The following PCDH15 variants were observed in gnomAD, a reference collection of about 807,000 sequenced individuals.
PCDH15 encodes protocadherin related 15.
Under a neutral mutation model 178.5 loss-of-function variants are expected in PCDH15, and 129 were observed. The observed-to-expected ratio is 0.72, with a 90% CI of 0.63 to 0.84. The LOEUF (loss-of-function observed/expected upper bound fraction) is 0.84, where lower values mean the gene tolerates loss of function less well. Among genes scored for constraint, PCDH15 ranks in the 40% least tolerant of loss-of-function variants. The pLI, the probability that PCDH15 is intolerant of heterozygous loss-of-function variation, is 0.00. For synonymous variants in PCDH15, 800 were observed against 732.0 expected (o/e 1.09, Z -1.50); for missense variants, 2,230 against 2,099.9 (o/e 1.06, Z -1.21).
At chr10:53,986,165 C>CAA (rs540855232) in intron 21 of PCDH15, among the ~76,000 whole-genome samples, 1 of 148,660 alleles carries the variant, frequency 6.7e-6, no homozygotes, top group Non-Finnish European at 1.5e-5. Flanking sequence ...ATAACTTTTT[C>CAA]AAAAAAAAAC....
At chr10:54,668,565 A>G (rs112061280) in intron 1 of PCDH15, among the ~76,000 whole-genome samples, 5 of 152,314 alleles carry the variant, frequency 3.3e-5, no homozygotes, top group African/African-American at 9.6e-5. Context: ...TTCACTTTCA[A>G]ATATAAATCC....
At chr10:53,897,934 T>C (rs2082063354) in intron 26 of PCDH15, among the ~76,000 whole-genome samples, 1 of 151,028 alleles carries the variant, frequency 6.6e-6, no homozygotes, top group Non-Finnish European at 1.5e-5. Flanking sequence ...CATCTATAGA[T>C]GAACATATGT....
At chr10:54,083,828 T>C (rs1177026802) in intron 16 of PCDH15, among the ~76,000 whole-genome samples, 1 of 152,180 alleles carries the variant, frequency 6.6e-6, no homozygotes, top group Non-Finnish European at 1.5e-5. Context: ...GTATTTTCCA[T>C]CACCAAGCTT....
At chr10:54,827,532 G>A (rs1232941627) in intron 3 of PCDH15, among the ~76,000 whole-genome samples, 1 of 152,044 alleles carries the variant, frequency 6.6e-6, no homozygotes, top group Non-Finnish European at 1.5e-5. Context: ...AAGTCTGCAA[G>A]ATAGACAGTG....
At chr10:55,103,881 T>C (rs963468928) in intron 2 of PCDH15, among the ~76,000 whole-genome samples, 1 of 152,162 alleles carries the variant, frequency 6.6e-6, no homozygotes, top group Admixed American at 6.6e-5. Context: ...AGTTGCTTAC[T>C]GACAAGGTAC....
intron 2 of PCDH15, among the ~76,000 whole-genome samples, chr10:55,054,639 C>T (rs1320753717): frequency 1.3e-5 from 2 of 151,242 alleles, no homozygotes; most frequent in Non-Finnish European, 2.9e-5. Context: ...ATTTACACTC[C>T]CACCAACAGT....
At chr10:54,812,520 G>A (rs1952879968) in intron 3 of PCDH15, among the ~76,000 whole-genome samples, 1 of 151,764 alleles carries the variant, frequency 6.6e-6, no homozygotes. Context: ...GTGCAGTGGC[G>A]CGATCTCAGC....
chr10:55,293,069 T>C (rs571827214), intron 1 of PCDH15, among the ~76,000 whole-genome samples: 32 of 152,288 alleles, frequency 2.1e-4, no homozygotes, highest in Non-Finnish European at 4.0e-4. Flanking sequence ...ATCCAGGCAT[T>C]TCCATACATC....
At chr10:53,921,122 G>T (rs1323598895) in intron 25 of PCDH15, among the ~76,000 whole-genome samples, 1 of 152,128 alleles carries the variant, frequency 6.6e-6, no homozygotes, top group Non-Finnish European at 1.5e-5. Context: ...CTTGCAATAT[G>T]TCATTAAGTC....
chr10:55,352,563 G>A (rs1192635785), intron 2 of PCDH15, among the ~76,000 whole-genome samples: 2 of 152,098 alleles, frequency 1.3e-5, no homozygotes, highest in Non-Finnish European at 2.9e-5. Flanking sequence ...AGAACACAAT[G>A]CCAACCATTC....
chr10:55,275,694 G>A (rs1463875093), intron 1 of PCDH15, among the ~76,000 whole-genome samples: 1 of 148,270 alleles, frequency 6.7e-6, no homozygotes, highest in Non-Finnish European at 1.5e-5. Flanking sequence ...AAATCAGTAG[G>A]ACTTGTCTCT....
intron 2 of PCDH15, among the ~76,000 whole-genome samples, chr10:54,646,797 C>T (rs1555120727): frequency 6.6e-6 from 1 of 151,896 alleles, no homozygotes; most frequent in South Asian, 2.1e-4. Flanking sequence ...TCACCTCATG[C>T]TTACTAGGAT....
chr10:55,320,882 T>C (rs986987136), upstream of PCDH15, among the ~76,000 whole-genome samples: 13 of 152,232 alleles, frequency 8.5e-5, no homozygotes, highest in African/African-American at 2.4e-4. Flanking sequence ...AGTATCTTCT[T>C]ACTTCCAAAT....
intron 24 of PCDH15, among the ~76,000 whole-genome samples, chr10:53,940,445 T>A (rs573510300): frequency 6.6e-6 from 1 of 152,272 alleles, no homozygotes; most frequent in Non-Finnish European, 1.5e-5. Flanking sequence ...AACCTTGAAG[T>A]TCCTTCAGGA....
intron 2 of PCDH15, among the ~76,000 whole-genome samples, chr10:54,618,509 C>T (rs2093253467): frequency 6.6e-6 from 1 of 152,000 alleles, no homozygotes; most frequent in Admixed American, 6.6e-5. Flanking sequence ...ATGCAAGTAG[C>T]TTGGTTAGCA....
intron 8 of PCDH15, among the ~76,000 whole-genome samples, chr10:54,299,161 G>A (rs1214583078): frequency 6.6e-6 from 1 of 152,124 alleles, no homozygotes; most frequent in Non-Finnish European, 1.5e-5. Flanking sequence ...GAAAGAGACA[G>A]AAAGTCAGAG....
intron 2 of PCDH15, among the ~76,000 whole-genome samples, chr10:55,325,379 C>G (rs1049579982): frequency 6.6e-6 from 1 of 152,080 alleles, no homozygotes; most frequent in Admixed American, 6.5e-5. Context: ...ACACATAGAC[C>G]AGTGGAACAG....
At chr10:55,271,994 CTTA>C (rs763678398) in intron 1 of PCDH15, among the ~76,000 whole-genome samples, 60 of 152,032 alleles carry the variant, frequency 3.9e-4, no homozygotes, top group Admixed American at 3.9e-4. Context: ...TTTATCTAGA[CTTA>C]TTATGCAGTA....
chr10:53,851,722 A>ATATATATT (rs1262823062), intron 28 of PCDH15, among the ~76,000 whole-genome samples: 4 of 109,000 alleles, frequency 3.7e-5, no homozygotes, highest in Non-Finnish European at 6.1e-5. Context: ...ATATATATAT[A>ATATATATT]TTTACACACA....
Sources: gnomAD v4.1 joint callset for allele counts (sites outside exome capture counted in the v4.1 genomes callset) on GRCh38, gnomAD v4.1.1 for gene constraint, MANE v1.5 for transcripts, NCBI Gene and HGNC (gene_info 2026-07-23, HGNC 2026-07-21) for gene names.